TMPRSS11E: variants seen among roughly 807,000 people sequenced by gnomAD.
The protein encoded by TMPRSS11E is transmembrane protease serine 11E.
Under a neutral mutation model 48.1 loss-of-function variants are expected in TMPRSS11E, and 38 were observed. That is an observed-to-expected ratio of 0.79 (90% confidence interval 0.61 to 1.04). The LOEUF (loss-of-function observed/expected upper bound fraction) is 1.04, where lower values mean the gene tolerates loss of function less well. Ranked by LOEUF, TMPRSS11E falls within the 50% of genes least tolerant of loss-of-function variation. TMPRSS11E has a pLI of 0.00. For synonymous variants in TMPRSS11E, 158 were observed against 171.9 expected (o/e 0.92, Z 0.63); for missense variants, 530 against 510.8 (o/e 1.04, Z -0.36).
At chr4:68,485,209 C>T (rs565918952) in intron 9 of TMPRSS11E, among the ~76,000 whole-genome samples, 144 of 152,072 alleles carry the variant, frequency 9.5e-4, no homozygotes, top group Admixed American at 1.6e-3. Context: ...TGCAGTGGTG[C>T]GATCTCAGCT....
At chr4:68,462,134 T>A (rs1430111547) in intron 2 of TMPRSS11E, among the ~76,000 whole-genome samples, 189 bp downstream of exon 2, 1 of 152,178 alleles carries the variant, frequency 6.6e-6, no homozygotes, top group Non-Finnish European at 1.5e-5. Flanking sequence ...TTTTCTATCT[T>A]TGATGTAGTG....
At chr4:68,480,990 G>A (rs1031976332) in intron 9 of TMPRSS11E, among the ~76,000 whole-genome samples, 10 of 152,076 alleles carry the variant, frequency 6.6e-5, no homozygotes, top group Non-Finnish European at 1.3e-4. Flanking sequence ...AGTATGTATT[G>A]TTCCTCTCTT....
At chr4:68,451,131 G>A (rs765279518) in intron 1 of TMPRSS11E, among the ~76,000 whole-genome samples, 13 of 151,884 alleles carry the variant, frequency 8.6e-5, no homozygotes, top group Non-Finnish European at 1.8e-4. Flanking sequence ...TTGAACAGTC[G>A]TGAAGCAGGT....
At chr4:68,470,379 T>G (rs546868253) in intron 4 of TMPRSS11E, among the ~76,000 whole-genome samples, 22 of 151,768 alleles carry the variant, frequency 1.4e-4, no homozygotes, top group Non-Finnish European at 3.1e-4. Flanking sequence ...GAGAGTGTGG[T>G]CGGCATTGAC....
intron 9 of TMPRSS11E, among the ~76,000 whole-genome samples, chr4:68,495,646 A>G (rs1729844373): frequency 6.6e-6 from 1 of 152,196 alleles, no homozygotes; most frequent in African/African-American, 2.4e-5. Flanking sequence ...TGGACAAAAG[A>G]AAATTCACAA....
At chr4:68,473,359 C>T (rs1729124993) in intron 5 of TMPRSS11E, among the ~76,000 whole-genome samples, 1 of 152,018 alleles carries the variant, frequency 6.6e-6, no homozygotes, top group South Asian at 2.1e-4. Context: ...AACATGGCCT[C>T]CAAGGCATGT....
At chr4:68,479,056 A>G (rs1729329162) in intron 9 of TMPRSS11E, 65 bp downstream of exon 9, 6 of 1,585,148 alleles carry the variant, frequency 3.8e-6, no homozygotes, top group Middle Eastern at 1.7e-4. Context: ...AAATAATTAT[A>G]TATCTACAGG....
chr4:68,477,201 T>C (rs150570644), intron 7 of TMPRSS11E, among the ~76,000 whole-genome samples, 168 bp from the exon 8 acceptor site: 1 of 152,200 alleles, frequency 6.6e-6, no homozygotes, highest in East Asian at 1.9e-4. Flanking sequence ...TGGTGGCTTT[T>C]TCACCTGGTC....
At chr4:68,461,752 T>C in intron 1 of TMPRSS11E, 69 bp from the exon 2 acceptor site, 1 of 1,603,632 alleles carries the variant, frequency 6.2e-7, no homozygotes, top group South Asian at 1.1e-5. Context: ...CCCCAAAATA[T>C]CTGTTTTGTC....
intron 6 of TMPRSS11E, 95 bp downstream of exon 6, chr4:68,474,856 A>G (rs1729168148): frequency 2.1e-6 from 2 of 961,386 alleles, no homozygotes; most frequent in Non-Finnish European, 1.6e-6. Context: ...TATCATAGGG[A>G]CAGAACACAT....
Position 68,447,498 on chromosome 4 carries a change from C to T in TMPRSS11E, c.-15C>T, listed in dbSNP as rs143794159. ...AGACCTCGACCTTCACAGGACTCTT[C>T]ATTGCTGGTTGGCAATGATGTATCG... is the stretch of plus-strand genomic sequence containing the variant. On this transcript the variant is annotated 5_prime_UTR_variant, in exon 1 of 10. Coordinates refer to ENST00000305363, the MANE Select transcript of TMPRSS11E (RefSeq NM_014058.4). 6.1e-5 allele frequency: 99 copies of T among 1,609,914 alleles called. No homozygotes were observed. The African/African-American group carries it at 1.1e-3, about 18-fold the overall frequency.
chr4:68,459,319 T>C (rs1728723640), intron 1 of TMPRSS11E, among the ~76,000 whole-genome samples: 1 of 152,104 alleles, frequency 6.6e-6, no homozygotes, highest in Admixed American at 6.6e-5. Context: ...AGTTTTTTTT[T>C]CATATTTTAA....
intron 4 of TMPRSS11E, among the ~76,000 whole-genome samples, chr4:68,469,783 A>G (rs1397905101): frequency 6.6e-6 from 1 of 151,962 alleles, no homozygotes; most frequent in East Asian, 1.9e-4. Context: ...TTCTATAACT[A>G]TATACACATC....
intron 9 of TMPRSS11E, among the ~76,000 whole-genome samples, chr4:68,481,270 A>G (rs186297662): frequency 3.3e-5 from 5 of 152,318 alleles, no homozygotes; most frequent in African/African-American, 7.2e-5. Flanking sequence ...ATATGCATAC[A>G]TGTGTCTTTA....
Position 68,474,745 on chromosome 4 carries a change from C to T in TMPRSS11E, c.513C>T (p.Asp171=), listed in dbSNP as rs925013905. 8.1e-6 allele frequency: 13 copies of T among 1,603,868 alleles called. No individual in the cohort carries two copies. Among genetic ancestry groups the T allele is most frequent in the East Asian group, 2.2e-5 (1 of 44,542 alleles). Residue 171 remains aspartate (D), a synonymous_variant, in exon 6 of 10, where the codon GAC becomes GAT. Transcript: ENST00000305363. ...CAGAAATCAACAAGACAGAAACAGA[C>T]AGCTATCTAAACCATTGTAAGTTTA... ...KIKKINKTET[D]SYLNHCCGTR...
At position 68,466,640 on chromosome 4, in the gene TMPRSS11E, A is replaced by T. The variant is rs1168694877; in HGVS notation, c.146A>T (p.Lys49Met). 6.2e-7 allele frequency: 1 copy of T among 1,612,336 alleles called. No homozygotes were observed. Among genetic ancestry groups the T allele is most frequent in the Admixed American group, 1.7e-5 (1 of 59,574 alleles). The change falls in exon 3 of 10, where the codon AAG (lysine) becomes ATG (methionine). Residue 49 changes from lysine (K) to methionine (M), a missense_variant. Transcript: ENST00000305363. ...GCTTCTTTCCTTGTAGATCAAAAGAAGACCTACAATTACTATAGCACATTG... is the reference window on the plus strand; with the variant it reads ...GCTTCTTTCCTTGTAGATCAAAAGATGACCTACAATTACTATAGCACATTG... The part of the protein sequence containing the change: ...TVHYVRYNQK[K>M]TYNYYSTLSF...
rs775611549 is a variant in TMPRSS11E at position 68,478,926 on chromosome 4, A to G, written c.1045A>G (p.Asn349Asp). Residue 349 changes from asparagine to aspartate, a missense_variant, in exon 9 of 10, where the codon AAT becomes GAT. Coordinates refer to ENST00000305363, the MANE Select transcript of TMPRSS11E (RefSeq NM_014058.4). ...ATTCNEPQAY[N>D]DAITPRMLCA... The stretch of plus-strand genomic sequence containing the variant: ...AACTTGCAATGAACCTCAAGCTTAC[A>G]ATGACGCCATAACTCCTAGAATGTT... 1.2e-5 allele frequency: 20 copies of G among 1,614,080 alleles called. No individual in the cohort carries two copies. In the African/African-American group the frequency reaches 1.9e-4, roughly 15 times the overall value.
chr4:68,491,523 A>AT (rs1378218038), intron 9 of TMPRSS11E, among the ~76,000 whole-genome samples: 3 of 152,186 alleles, frequency 2.0e-5, no homozygotes, highest in African/African-American at 4.8e-5. Flanking sequence ...GCGTTTACAT[A>AT]TTTTTGAAGC....
chr4:68,479,440 T>C (rs1211351510), intron 9 of TMPRSS11E, among the ~76,000 whole-genome samples: 3 of 150,914 alleles, frequency 2.0e-5, no homozygotes, highest in Non-Finnish European at 4.4e-5. Flanking sequence ...GGCTTTTTGT[T>C]GTAGAAAAAT....
Sources: allele counts gnomAD v4.1 joint callset (sites outside exome capture counted in the v4.1 genomes callset), GRCh38; gene constraint gnomAD v4.1.1; transcripts MANE v1.5; gene names NCBI Gene and HGNC (gene_info 2026-07-23, HGNC 2026-07-21).